The following KIAA1217 variants were observed in gnomAD, a reference collection of about 807,000 sequenced individuals.
KIAA1217 encodes sickle tail protein homolog.
In KIAA1217, 88 loss-of-function variants were observed where a neutral mutation model predicts 163.9. That is an observed-to-expected ratio of 0.54 (90% CI 0.45 to 0.64). The LOEUF is 0.64. Among genes scored for constraint, KIAA1217 ranks in the 30% least tolerant of loss-of-function variants. KIAA1217 has a pLI of 0.00. For synonymous variants in KIAA1217, 903 were observed against 923.1 expected, an observed-to-expected ratio of 0.98 and a Z score of 0.39; for missense variants, 2,372 against 2,475.0, an observed-to-expected ratio of 0.96 and a Z score of 0.88.
chr10:23,860,143 G>A (rs1839885668), intron 1 of KIAA1217, among the ~76,000 whole-genome samples: 1 of 152,090 alleles, frequency 6.6e-6, no homozygotes, highest in South Asian at 2.1e-4. Flanking sequence ...CTACAGGATT[G>A]GGCCTCATGA....
intron 2 of KIAA1217, among the ~76,000 whole-genome samples, chr10:24,275,159 T>C (rs2077145259): frequency 6.6e-6 from 1 of 152,210 alleles, no homozygotes; most frequent in Admixed American, 6.5e-5. Context: ...TTTGAGGTCT[T>C]AATTCCCCAA....
chr10:23,823,106 G>A (rs1273506253), intron 1 of KIAA1217, among the ~76,000 whole-genome samples: 1 of 152,174 alleles, frequency 6.6e-6, no homozygotes, highest in Admixed American at 6.5e-5. Flanking sequence ...TCTGCTTAGA[G>A]TCATGCTTCA....
intron 8 of KIAA1217, among the ~76,000 whole-genome samples, chr10:24,500,172 G>A (rs2067346134): frequency 6.7e-6 from 1 of 149,020 alleles, no homozygotes; most frequent in Non-Finnish European, 1.5e-5. Context: ...ACAGGAAAGA[G>A]AACTGAACAG....
chr10:23,865,030 G>A (rs1303004138), intron 1 of KIAA1217, among the ~76,000 whole-genome samples: 1 of 152,108 alleles, frequency 6.6e-6, no homozygotes, highest in African/African-American at 2.4e-5. Flanking sequence ...TACTTTCACA[G>A]CAACATTGAG....
chr10:23,955,228 C>CT (rs1231097225), intron 1 of KIAA1217, among the ~76,000 whole-genome samples: 1 of 152,160 alleles, frequency 6.6e-6, no homozygotes, highest in African/African-American at 2.4e-5. Context: ...AGTCCAAGTC[C>CT]TTAGCTGATA....
chr10:24,010,452 A>G (rs1039815617), intron 2 of KIAA1217, among the ~76,000 whole-genome samples: 1 of 151,524 alleles, frequency 6.6e-6, no homozygotes, highest in Non-Finnish European at 1.5e-5. Flanking sequence ...TGAAAGTCAG[A>G]AATAAAAGCA....
chr10:24,105,797 C>T (rs866749687), intron 2 of KIAA1217, among the ~76,000 whole-genome samples: 13 of 152,192 alleles, frequency 8.5e-5, no homozygotes, highest in African/African-American at 2.7e-4. Context: ...ATGGGGCTTT[C>T]GGCCTAGAAT....
At chr10:24,359,356 G>T (rs937050314) in intron 2 of KIAA1217, among the ~76,000 whole-genome samples, 1 of 151,976 alleles carries the variant, frequency 6.6e-6, no homozygotes, top group Non-Finnish European at 1.5e-5. Context: ...GCCTCCCAAA[G>T]TGTCGGGATT....
chr10:24,159,337 C>CA (rs1564770607), intron 2 of KIAA1217, among the ~76,000 whole-genome samples: 1 of 151,934 alleles, frequency 6.6e-6, no homozygotes, highest in Non-Finnish European at 1.5e-5. Context: ...TAAACATTGT[C>CA]AATGATTTTA....
chr10:24,074,407 G>T (rs546665555), intron 2 of KIAA1217, among the ~76,000 whole-genome samples: 4 of 152,006 alleles, frequency 2.6e-5, no homozygotes, highest in African/African-American at 4.8e-5. Flanking sequence ...ACTTTAAAAC[G>T]TGCTTTTGGT....
chr10:24,100,203 G>A (rs2062356468), intron 2 of KIAA1217, among the ~76,000 whole-genome samples: 1 of 151,656 alleles, frequency 6.6e-6, no homozygotes, highest in Non-Finnish European at 1.5e-5. Flanking sequence ...TATTATGTTA[G>A]TTAGGTTGGT....
chr10:24,189,221 A>G (rs753892034), intron 2 of KIAA1217, among the ~76,000 whole-genome samples: 4 of 152,130 alleles, frequency 2.6e-5, no homozygotes, highest in Non-Finnish European at 5.9e-5. Context: ...CCTACCATTG[A>G]AAGCGCTTGA....
chr10:24,475,143 T>G (rs2063868272), intron 6 of KIAA1217, among the ~76,000 whole-genome samples: 1 of 152,100 alleles, frequency 6.6e-6, no homozygotes, highest in Admixed American at 6.6e-5. Flanking sequence ...CACTTGAACC[T>G]GGGAGGTGGA....
Position 24,104,658 on chromosome 10 carries a change from T to C in KIAA1217, c.-171+97284T>C, listed in dbSNP as rs568177695. On this transcript the variant is annotated intron_variant, in intron 2 of 18. Transcript: ENST00000376462. ...TGCCAAGAGAGCATCCTATGGACTTTGGGTGAAAATGAAGTGCCAATGTAA... is the reference window on the plus strand; with the variant it reads ...TGCCAAGAGAGCATCCTATGGACTTCGGGTGAAAATGAAGTGCCAATGTAA... Among the ~76,000 whole-genome samples the C allele has an allele frequency of 8.5e-5, 13 of 152,306 alleles. 1 individual carries two copies. The South Asian group carries it at 2.5e-3, about 29-fold the overall frequency.
chr10:24,407,257 C>T (rs1362348419), intron 3 of KIAA1217, among the ~76,000 whole-genome samples: 1 of 147,712 alleles, frequency 6.8e-6, no homozygotes, highest in East Asian at 2.0e-4. Flanking sequence ...GATGAAGATA[C>T]GTGTGTGTGT....
chr10:24,131,998 C>T (rs1246822023), intron 2 of KIAA1217, among the ~76,000 whole-genome samples: 1 of 152,136 alleles, frequency 6.6e-6, no homozygotes, highest in Admixed American at 6.5e-5. Flanking sequence ...AATGATGGTC[C>T]GATGAATACA....
chr10:24,127,143 A>C (rs2063497863), intron 2 of KIAA1217, among the ~76,000 whole-genome samples: 1 of 152,200 alleles, frequency 6.6e-6, no homozygotes, highest in Non-Finnish European at 1.5e-5. Flanking sequence ...TTCTCCATGC[A>C]AAACTTTCCT....
At chr10:24,304,723 C>T (rs1170561161) in intron 2 of KIAA1217, among the ~76,000 whole-genome samples, 3 of 152,054 alleles carry the variant, frequency 2.0e-5, no homozygotes, top group Non-Finnish European at 4.4e-5. Flanking sequence ...TTCCTTACAC[C>T]TGTTTGATGA....
intron 2 of KIAA1217, among the ~76,000 whole-genome samples, chr10:24,306,153 C>T (rs1175475651): frequency 1.3e-5 from 2 of 152,106 alleles, no homozygotes. Context: ...TATTTGATCA[C>T]TCTTCAGGCA....
Sources: gnomAD v4.1 joint callset for allele counts (sites outside exome capture counted in the v4.1 genomes callset) on GRCh38, gnomAD v4.1.1 for gene constraint, MANE v1.5 for transcripts, NCBI Gene and HGNC (gene_info 2026-07-23, HGNC 2026-07-21) for gene names.